NRG2: variants seen among roughly 807,000 people sequenced by gnomAD.
NRG2 encodes neuregulin 2.
A neutral mutation model predicts 73.9 loss-of-function variants in NRG2; 27 were observed. The ratio of observed to expected loss-of-function variants is 0.37; its 90% CI spans 0.27 to 0.50. The LOEUF is 0.50. NRG2 is among the 20% of genes least tolerant of loss of function. The probability of loss-of-function intolerance (pLI) is 0.96; values close to 1 mark genes in which losing one functional copy is unlikely to be tolerated. For synonymous variants in NRG2, 532 were observed against 541.0 expected, an observed-to-expected ratio of 0.98 and a Z score of 0.23; for missense variants, 1,126 against 1,210.1, an observed-to-expected ratio of 0.93 and a Z score of 1.03.
At chr5:140,006,410 A>G (rs1758905256) in intron 1 of NRG2, among the ~76,000 whole-genome samples, 1 of 152,256 alleles carries the variant, frequency 6.6e-6, no homozygotes, top group South Asian at 2.1e-4. Context: ...AGCCTTAAAA[A>G]TGTTCTTATC....
chr5:139,972,741 A>G (rs1311621761), intron 1 of NRG2, among the ~76,000 whole-genome samples: 1 of 152,194 alleles, frequency 6.6e-6, no homozygotes, highest in African/African-American at 2.4e-5. Flanking sequence ...GAATGGCACA[A>G]AACTACTAAA....
chr5:139,989,084 A>C lies in NRG2; in HGVS notation c.700+53286T>G, dbSNP rs866458990. On this transcript the variant is annotated intron_variant, in intron 1 of 9. Transcript: ENST00000361474. ...CCTTTACTGGAGCAAAAAATATTGT[A>C]AACAACTTAGATGTACCATAAGAGC... 1.5e-3 allele frequency among the ~76,000 whole-genome samples: 233 copies of C among 152,180 alleles called. 3 individuals carry two copies. The highest frequency in any genetic ancestry group is 5.5e-3 in the African/African-American group (228 of 41,578).
chr5:139,911,232 G>C (rs1258116225), intron 1 of NRG2, among the ~76,000 whole-genome samples: 1 of 152,108 alleles, frequency 6.6e-6, no homozygotes, highest in Non-Finnish European at 1.5e-5. Context: ...GGGGCCTGCT[G>C]TGTGCCCTTG....
At chr5:139,988,701 A>G (rs1369386070) in intron 1 of NRG2, among the ~76,000 whole-genome samples, 1 of 152,056 alleles carries the variant, frequency 6.6e-6, no homozygotes, top group East Asian at 1.9e-4. Context: ...ATATGATACT[A>G]TAGCGAATGT....
At chr5:139,975,602 C>T (rs1454138821) in intron 1 of NRG2, among the ~76,000 whole-genome samples, 1 of 152,226 alleles carries the variant, frequency 6.6e-6, no homozygotes, top group Non-Finnish European at 1.5e-5. Flanking sequence ...AGAGAGGAGG[C>T]CCTCCAGAGC....
chr5:140,020,613 A>G (rs1290156552), intron 1 of NRG2, among the ~76,000 whole-genome samples: 1 of 152,242 alleles, frequency 6.6e-6, no homozygotes, highest in African/African-American at 2.4e-5. Context: ...GTGCAATGAG[A>G]AAGAATGACC....
intron 6 of NRG2, among the ~76,000 whole-genome samples, chr5:139,854,791 T>C (rs1761706228): frequency 6.6e-6 from 1 of 152,120 alleles, no homozygotes; most frequent in African/African-American, 2.4e-5. Flanking sequence ...CAGAAGGTCA[T>C]AGGGCCTTGG....
chr5:139,859,817 G>A, intron 5 of NRG2: 1 of 1,501,156 alleles, frequency 6.7e-7, no homozygotes, highest in Non-Finnish European at 9.2e-7. Context: ...CAAACATTCA[G>A]CACACATGGC....
intron 1 of NRG2, among the ~76,000 whole-genome samples, chr5:140,021,899 T>C (rs1012547576): frequency 6.6e-6 from 1 of 152,214 alleles, no homozygotes; most frequent in Non-Finnish European, 1.5e-5. Context: ...CTCGGTTCTT[T>C]CCTTCCTACA....
chr5:139,935,619 G>A (rs1752787351), intron 1 of NRG2, among the ~76,000 whole-genome samples: 1 of 152,054 alleles, frequency 6.6e-6, no homozygotes, highest in African/African-American at 2.4e-5. Flanking sequence ...AATAATATAT[G>A]GGTCAAAGAA....
In NRG2 at chr5:139,852,603, A is replaced by C. The variant is rs1035194935; in HGVS notation, c.1417-44T>G. The C allele has an allele frequency of 6.3e-7, 1 of 1,599,986 alleles. No individual in the cohort carries two copies. Among genetic ancestry groups the C allele is most frequent in the Admixed American group, 1.7e-5 (1 of 59,114 alleles). ...GGCGAGAGTTAGTGACTGGGGCCCAAATGAACTCTTTCTTGTTGGGGACAG... is the reference window on the plus strand; with the variant it reads ...GGCGAGAGTTAGTGACTGGGGCCCACATGAACTCTTTCTTGTTGGGGACAG... On this transcript the variant is annotated intron_variant, in intron 7 of 9. Transcript: ENST00000361474. The surrounding 1 kb of genome is among the most constrained non-coding windows in gnomAD (Gnocchi z 4.4).
chr5:139,850,366 C>G (rs1260740218), intron 9 of NRG2, among the ~76,000 whole-genome samples: 4 of 152,230 alleles, frequency 2.6e-5, no homozygotes, highest in Non-Finnish European at 4.4e-5. Flanking sequence ...GGCTACTTCC[C>G]AGAGCCTACA....
intron 1 of NRG2, among the ~76,000 whole-genome samples, chr5:139,965,880 G>A (rs1755472272): frequency 6.6e-6 from 1 of 152,186 alleles, no homozygotes; most frequent in Non-Finnish European, 1.5e-5. Flanking sequence ...TAGCCAGGGG[G>A]AGAGGGGATT....
chr5:139,998,465 C>T (rs1289805985), intron 1 of NRG2, among the ~76,000 whole-genome samples: 1 of 152,208 alleles, frequency 6.6e-6, no homozygotes, highest in Non-Finnish European at 1.5e-5. Context: ...CAACCCCAGA[C>T]CAAAGCCACA....
At chr5:139,873,967 G>A (rs912091015) in intron 3 of NRG2, among the ~76,000 whole-genome samples, 4 of 152,228 alleles carry the variant, frequency 2.6e-5, no homozygotes, top group Non-Finnish European at 5.9e-5. Context: ...CTGGGACCCC[G>A]GGAAGGTAAA....
At chr5:139,854,094 AAAT>A (rs1187538672) in intron 6 of NRG2, among the ~76,000 whole-genome samples, 2 of 152,174 alleles carry the variant, frequency 1.3e-5, no homozygotes, top group Admixed American at 1.3e-4. Flanking sequence ...GCAAAAATGA[AAAT>A]AAAACCCCTT....
In NRG2 at chr5:139,894,782, TGTC is replaced by T. The variant is rs1228354380; in HGVS notation, c.701-7274_701-7272del. ...GGTGCCAAATAAGACATGGCCCTGG[TGTC>T]GGGTTGGTCTCTGCCTCCTGTTTAG... On this transcript the variant is annotated intron_variant, in intron 1 of 9. Transcript: ENST00000361474. The surrounding 1 kb of genome is among the most constrained non-coding windows in gnomAD (Gnocchi z 5.0). 6.6e-6 allele frequency among the ~76,000 whole-genome samples: 1 copy of T among 152,104 alleles called. No homozygotes were observed. The highest frequency in any genetic ancestry group is 2.4e-5 in the African/African-American group (1 of 41,420).
intron 4 of NRG2, among the ~76,000 whole-genome samples, chr5:139,867,086 T>C (rs1407529466): frequency 6.6e-6 from 1 of 152,232 alleles, no homozygotes; most frequent in Non-Finnish European, 1.5e-5. Context: ...GAGGCAAGTG[T>C]ACTCTATTTC....
intron 1 of NRG2, among the ~76,000 whole-genome samples, chr5:139,926,393 C>T (rs1752062634): frequency 6.6e-6 from 1 of 152,088 alleles, no homozygotes; most frequent in Non-Finnish European, 1.5e-5. Context: ...GCAGTGCACA[C>T]ACAGTACACA....
Sources: allele counts gnomAD v4.1 joint callset (sites outside exome capture counted in the v4.1 genomes callset), GRCh38; gene constraint gnomAD v4.1.1; non-coding constraint Gnocchi (gnomAD v3.1); transcripts MANE v1.5; gene names NCBI Gene and HGNC (gene_info 2026-07-23, HGNC 2026-07-21).